ERC2: variants seen among roughly 807,000 people sequenced by gnomAD.
ERC2 encodes the protein ERC protein 2.
In ERC2, 42 loss-of-function variants were observed where a neutral mutation model predicts 114.8. The ratio of observed to expected loss-of-function variants is 0.37; its 90% CI spans 0.29 to 0.47. The LOEUF (loss-of-function observed/expected upper bound fraction) is 0.47, where lower values mean the gene tolerates loss of function less well. Ranked by LOEUF, ERC2 falls within the 20% of genes least tolerant of loss-of-function variation. The pLI, the probability that ERC2 is intolerant of heterozygous loss-of-function variation, is 0.99. For synonymous variants in ERC2, 454 were observed against 425.5 expected (o/e 1.07, Z -0.82); for missense variants, 939 against 1,150.7 (o/e 0.82, Z 2.66).
At chr3:55,727,650 G>T (rs977177150) in intron 15 of ERC2, among the ~76,000 whole-genome samples, 2 of 152,124 alleles carry the variant, frequency 1.3e-5, no homozygotes, top group Non-Finnish European at 2.9e-5. Context: ...TGTTTAACAA[G>T]AGTTAAAACA....
At chr3:55,670,443 A>G (rs2061513694) in intron 17 of ERC2, among the ~76,000 whole-genome samples, 1 of 152,154 alleles carries the variant, frequency 6.6e-6, no homozygotes, top group Non-Finnish European at 1.5e-5. Flanking sequence ...TCCCCTTCCC[A>G]TGAGGGGAGT....
chr3:55,763,064 T>C (rs751735087), intron 14 of ERC2, among the ~76,000 whole-genome samples: 73 of 152,138 alleles, frequency 4.8e-4, no homozygotes, highest in Non-Finnish European at 7.2e-4. Flanking sequence ...AATGGCATTA[T>C]TGGGGACTTG....
chr3:56,078,666 C>A (rs1029281117), intron 7 of ERC2, among the ~76,000 whole-genome samples: 2 of 152,116 alleles, frequency 1.3e-5, no homozygotes, highest in South Asian at 4.1e-4. Flanking sequence ...TGTAACATAA[C>A]CTTGGCCAAT....
chr3:56,381,549 A>T (rs931511359), intron 2 of ERC2, among the ~76,000 whole-genome samples: 3 of 151,370 alleles, frequency 2.0e-5, no homozygotes, highest in African/African-American at 4.8e-5. Flanking sequence ...ATTTACTTTT[A>T]AAAAAAAATA....
At chr3:56,141,839 G>T (rs1047943205) in intron 5 of ERC2, among the ~76,000 whole-genome samples, 7 of 152,088 alleles carry the variant, frequency 4.6e-5, no homozygotes, top group Non-Finnish European at 5.9e-5. Flanking sequence ...GATTCAGCTT[G>T]CTAATATTTT....
intron 15 of ERC2, among the ~76,000 whole-genome samples, chr3:55,724,291 A>G (rs983457457): frequency 1.3e-5 from 2 of 152,148 alleles, no homozygotes; most frequent in African/African-American, 4.8e-5. Flanking sequence ...GGGAGCCAGC[A>G]GGGGCCAGGC....
chr3:56,327,364 A>G lies in ERC2; in HGVS notation c.658-30929T>C, dbSNP rs1476676225. 2.0e-5 allele frequency among the ~76,000 whole-genome samples: 3 copies of G among 152,236 alleles called. No individual in the cohort carries two copies. The East Asian group carries it at 5.8e-4, about 29-fold the overall frequency. On this transcript the variant is annotated intron_variant, in intron 2 of 17. Transcript: ENST00000288221. Reference sequence around the variant, plus strand: ...TCGTGAGAACTCACTCAGCATCATGAGAACAGCACGGGGGAAACTGCTCCC... The same window carrying G: ...TCGTGAGAACTCACTCAGCATCATGGGAACAGCACGGGGGAAACTGCTCCC...
chr3:55,706,749 A>T (rs1258212362), intron 15 of ERC2, among the ~76,000 whole-genome samples: 1 of 152,138 alleles, frequency 6.6e-6, no homozygotes, highest in Non-Finnish European at 1.5e-5. Flanking sequence ...CTAAAACCCT[A>T]ATCATAGTTG....
At chr3:56,307,298 C>G (rs753666882) in intron 2 of ERC2, among the ~76,000 whole-genome samples, 11 of 152,180 alleles carry the variant, frequency 7.2e-5, no homozygotes, top group Non-Finnish European at 1.6e-4. Context: ...TTTGCCTTTC[C>G]AAAGTAAAGA....
At chr3:56,368,331 G>A (rs896066879) in intron 2 of ERC2, among the ~76,000 whole-genome samples, 6 of 152,032 alleles carry the variant, frequency 3.9e-5, no homozygotes, top group Admixed American at 2.6e-4. Context: ...GAGATCATTG[G>A]TAGCTCTTAA....
intron 6 of ERC2, among the ~76,000 whole-genome samples, chr3:56,090,614 T>A (rs2077734311): frequency 6.6e-6 from 1 of 151,908 alleles, no homozygotes; most frequent in African/African-American, 2.4e-5. Context: ...AGCCTTGTAA[T>A]ACTAAATTCA....
intron 1 of ERC2, among the ~76,000 whole-genome samples, chr3:56,452,049 T>G (rs2107522503): frequency 6.6e-6 from 1 of 152,358 alleles, no homozygotes; most frequent in Admixed American, 6.5e-5. Context: ...TCCATAGTTA[T>G]GCATATTAAA....
chr3:56,031,985 G>A (rs2074404881), intron 7 of ERC2, among the ~76,000 whole-genome samples: 1 of 152,148 alleles, frequency 6.6e-6, no homozygotes, highest in Non-Finnish European at 1.5e-5. Flanking sequence ...ATGGCTTGGT[G>A]ACATCCTTGC....
intron 3 of ERC2, among the ~76,000 whole-genome samples, chr3:56,197,432 G>T (rs1160551228): frequency 6.6e-6 from 1 of 152,150 alleles, no homozygotes; most frequent in East Asian, 1.9e-4. Context: ...CAAGCCTGGA[G>T]GTGGAATATT....
chr3:55,754,284 T>C (rs2066910483), intron 14 of ERC2, among the ~76,000 whole-genome samples: 1 of 152,098 alleles, frequency 6.6e-6, no homozygotes, highest in Non-Finnish European at 1.5e-5. Flanking sequence ...GTGTTTACCA[T>C]GGTATCACAA....
rs2071107928 is a variant in ERC2, at chr3:55,992,088, C to G, written c.2224G>C (p.Asp742His). The G allele has an allele frequency of 6.2e-7, 1 of 1,613,476 alleles. No individual in the cohort carries two copies. Among genetic ancestry groups the G allele is most frequent in the African/African-American group, 1.3e-5 (1 of 74,872 alleles). ...ILKEVENEKN[D>H]KDKKIAELES... ...AGTTCTGCGATCTTCTTGTCCTTGT[C>G]ATTCTTCTCATTCTCCACCTCCTTG... Residue 742 changes from aspartate to histidine, a missense_variant, in exon 11 of 18, where the codon GAC (aspartate) becomes CAC (histidine). Physicochemically the swap from Asp to His is moderately conservative, Grantham distance 81 (BLOSUM62 -1). Around this residue, in one of 5 missense-constraint regions of ERC2, gnomAD observed 328 missense variants for 353.9 expected, o/e 0.93. Coordinates refer to ENST00000288221, the MANE Select transcript of ERC2 (RefSeq NM_015576.3).
chr3:55,765,126 T>A (rs181690689), intron 14 of ERC2, among the ~76,000 whole-genome samples: 2 of 152,288 alleles, frequency 1.3e-5, no homozygotes, highest in Admixed American at 1.3e-4. Context: ...GTCCACATGA[T>A]CTATTTCTTT....
At chr3:55,900,779 T>C (rs1178264220) in intron 13 of ERC2, among the ~76,000 whole-genome samples, 4 of 152,056 alleles carry the variant, frequency 2.6e-5, no homozygotes, top group Non-Finnish European at 5.9e-5. Flanking sequence ...AGTCAACAGA[T>C]GTGGGAGGGA....
At chr3:55,949,108 A>T (rs146959833) in intron 13 of ERC2, among the ~76,000 whole-genome samples, 2 of 151,960 alleles carry the variant, frequency 1.3e-5, no homozygotes, top group African/African-American at 4.8e-5. Flanking sequence ...AGTGGTTCAC[A>T]CCTGTAATCC....
Sources: allele counts gnomAD v4.1 joint callset (sites outside exome capture counted in the v4.1 genomes callset), GRCh38; gene constraint gnomAD v4.1.1; regional missense constraint gnomAD v4.1.1; transcripts MANE v1.5; gene names NCBI Gene and HGNC (gene_info 2026-07-23, HGNC 2026-07-21).